Variants in OR1J2 observed in about 807,000 individuals in gnomAD.
OR1J2 encodes the protein olfactory receptor family 1 subfamily J member 2, also known as olfactory receptor 1J2.
For missense variants in OR1J2, 304 were observed against 246.1 expected, an observed-to-expected ratio of 1.24 and a Z score of -1.57; for synonymous variants, 142 against 99.7, an observed-to-expected ratio of 1.42 and a Z score of -2.52.
At chr9:122,544,262 A>T in the OR1J2 span, among the ~76,000 whole-genome samples, 1 of 151,988 alleles carries the variant, frequency 6.6e-6, no homozygotes, top group Admixed American at 6.5e-5. Flanking sequence ...CTTTGTGGTT[A>T]GTTGTTGATA....
chr9:122,568,497 A>G, the OR1J2 span: 6 of 1,451,920 alleles, frequency 4.1e-6, no homozygotes, highest in Non-Finnish European at 5.6e-6. Flanking sequence ...CTCAGTTATA[A>G]ACAAGAAGTT....
downstream of OR1J2, among the ~76,000 whole-genome samples, chr9:122,514,097 G>T (rs1828670824): frequency 6.6e-6 from 1 of 152,078 alleles, no homozygotes; most frequent in Admixed American, 6.5e-5. Context: ...TATGTAAACA[G>T]ACATGTTTAT....
chr9:122,499,502 C>G, the OR1J2 span, among the ~76,000 whole-genome samples: 2 of 152,074 alleles, frequency 1.3e-5, no homozygotes, highest in African/African-American at 2.4e-5. Context: ...CCCCTGTGCA[C>G]CAAGATCTCT....
At chr9:122,476,076 G>A in the OR1J2 span, among the ~76,000 whole-genome samples, 2 of 152,092 alleles carry the variant, frequency 1.3e-5, no homozygotes, top group Non-Finnish European at 2.9e-5. Context: ...ATGATTTTAA[G>A]GTATATTAAG....
chr9:122,477,248 G>A, the OR1J2 span: 2 of 1,613,950 alleles, frequency 1.2e-6, no homozygotes, highest in Non-Finnish European at 1.7e-6. Flanking sequence ...GAGGGAATCT[G>A]GAGGATGGTG....
At chr9:122,555,727 G>C in the OR1J2 span, among the ~76,000 whole-genome samples, 2 of 152,114 alleles carry the variant, frequency 1.3e-5, no homozygotes, top group Non-Finnish European at 2.9e-5. Flanking sequence ...TAAATATATA[G>C]ACTTTACTCT....
chr9:122,579,767 G>C, the OR1J2 span, among the ~76,000 whole-genome samples: 1 of 151,854 alleles, frequency 6.6e-6, no homozygotes, highest in Non-Finnish European at 1.5e-5. Context: ...AGAAAAAATT[G>C]TCATTGATGT....
the OR1J2 span, among the ~76,000 whole-genome samples, chr9:122,487,458 A>AACACACACACACAC: frequency 1.4e-3 from 212 of 149,082 alleles, 2 homozygotes; most frequent in Middle Eastern, 3.4e-3. Context: ...GGAGATGATT[A>AACACACACACACAC]ACACACACAC....
At chr9:122,510,717 CT>C (rs1360901438), upstream of OR1J2, 6 of 831,246 alleles carry the variant, frequency 7.2e-6, no homozygotes, top group Non-Finnish European at 1.2e-5. Flanking sequence ...AAACGTACAT[CT>C]TTTAATATGA....
At chr9:122,564,640 C>T in the OR1J2 span, among the ~76,000 whole-genome samples, 4 of 152,194 alleles carry the variant, frequency 2.6e-5, no homozygotes, top group African/African-American at 9.7e-5. Flanking sequence ...TTATCATAAG[C>T]TTCACCAAGC....
chr9:122,553,261 T>A, the OR1J2 span: 1 of 1,613,860 alleles, frequency 6.2e-7, no homozygotes, highest in Admixed American at 1.7e-5. Flanking sequence ...GACTTCCTCC[T>A]TCTAGGACTC....
At chr9:122,453,735 A>G in the OR1J2 span, among the ~76,000 whole-genome samples, 1 of 152,192 alleles carries the variant, frequency 6.6e-6, no homozygotes, top group South Asian at 2.1e-4. Flanking sequence ...GCCTGCCTGT[A>G]TTGTTTTCCA....
chr9:122,482,559 T>C, the OR1J2 span, among the ~76,000 whole-genome samples: 2 of 152,176 alleles, frequency 1.3e-5, no homozygotes, highest in Non-Finnish European at 2.9e-5. Context: ...TGGAGAGATA[T>C]CTGCATGTTT....
At chr9:122,532,609 T>C in the OR1J2 span, among the ~76,000 whole-genome samples, 2 of 144,966 alleles carry the variant, frequency 1.4e-5, 1 homozygote, top group Admixed American at 1.4e-4. Flanking sequence ...AGACTGTATA[T>C]GCATCAGGTG....
chr9:122,571,146 G>A, the OR1J2 span, among the ~76,000 whole-genome samples: 3 of 152,102 alleles, frequency 2.0e-5, no homozygotes, highest in Admixed American at 6.6e-5. Flanking sequence ...CCCATGTTCA[G>A]AATCCACTCT....
At chr9:122,571,736 C>T in the OR1J2 span, among the ~76,000 whole-genome samples, 1 of 151,162 alleles carries the variant, frequency 6.6e-6, no homozygotes, top group African/African-American at 2.4e-5. Context: ...AAAAATTGAC[C>T]ATGCATGGTG....
the OR1J2 span, among the ~76,000 whole-genome samples, chr9:122,518,337 C>T: frequency 6.6e-6 from 1 of 152,194 alleles, no homozygotes. Flanking sequence ...TGACTTTAAA[C>T]AGCAGACATT....
chr9:122,502,770 C>G, the OR1J2 span, among the ~76,000 whole-genome samples: 1 of 151,122 alleles, frequency 6.6e-6, no homozygotes, highest in African/African-American at 2.4e-5. Context: ...TACTGTGTTT[C>G]CTGGTAGGAG....
At chr9:122,513,352 T>C (rs1353597362), downstream of OR1J2, among the ~76,000 whole-genome samples, 2 of 152,164 alleles carry the variant, frequency 1.3e-5, no homozygotes, top group Middle Eastern at 3.4e-3. Flanking sequence ...TTTGAAGGAG[T>C]TTGATATTTG....
Sources: gnomAD v4.1 joint callset for allele counts (sites outside exome capture counted in the v4.1 genomes callset) on GRCh38, gnomAD v4.1.1 for gene constraint, MANE v1.5 for transcripts, NCBI Gene and HGNC (gene_info 2026-07-23, HGNC 2026-07-21) for gene names.